Variants in CEP112 observed in about 807,000 individuals in gnomAD.
CEP112 encodes centrosomal protein 112, also known as centrosomal protein of 112 kDa.
Under a neutral mutation model 153.0 loss-of-function variants are expected in CEP112, and 127 were observed. The observed-to-expected ratio is 0.83, with a 90% CI of 0.72 to 0.96. The LOEUF (loss-of-function observed/expected upper bound fraction) is 0.96. Ranked by LOEUF, CEP112 falls within the 40% of genes least tolerant of loss-of-function variation. The pLI, the probability that CEP112 is intolerant of heterozygous loss-of-function variation, is 0.00. For missense variants in CEP112, 1,089 were observed against 1,101.2 expected (o/e 0.99, Z 0.16); for synonymous variants, 358 against 374.4 (o/e 0.96, Z 0.51).
At position 66,129,432 on chromosome 17, in the gene CEP112, C is replaced by T. The variant is rs1449361580; in HGVS notation, c.642+314G>A. 5.9e-5 allele frequency among the ~76,000 whole-genome samples: 9 copies of T among 152,164 alleles called. 1 individual carries two copies. The highest frequency in any genetic ancestry group is 4.1e-4 in the South Asian group (2 of 4,822). ...GTTCTCCCTTCCCTCCCCTCCACCTCGGGCGACTCACATAACTCATCTTGG... is the reference window on the plus strand; with the variant it reads ...GTTCTCCCTTCCCTCCCCTCCACCTTGGGCGACTCACATAACTCATCTTGG... On this transcript the variant is annotated intron_variant, in intron 6 of 26. Coordinates refer to ENST00000535342, the MANE Select transcript of CEP112 (RefSeq NM_001199165.4).
intron 23 of CEP112, 118 bp downstream of exon 23, chr17:65,742,950 G>C: frequency 1.4e-6 from 1 of 718,870 alleles, no homozygotes; most frequent in Admixed American, 3.2e-5. Flanking sequence ...TGGAATTACT[G>C]CAGGCTGTGT....
At position 66,125,486 on chromosome 17, in the gene CEP112, A is replaced by G. The variant is rs567336172; in HGVS notation, c.642+4260T>C. Among the ~76,000 whole-genome samples the G allele has an allele frequency of 2.0e-5, 3 of 152,288 alleles. No homozygotes were observed. In the South Asian group the frequency reaches 6.2e-4, roughly 32 times the overall value. On this transcript the variant is annotated intron_variant, in intron 6 of 26. Coordinates refer to ENST00000535342, the MANE Select transcript of CEP112 (RefSeq NM_001199165.4). ...CACTATGATCATGCCACTGCACTTT[A>G]GCCTTGGTGACAGAGCAAGACCCTG...
chr17:65,831,594 A>G (rs2057083877), intron 21 of CEP112, among the ~76,000 whole-genome samples: 1 of 152,032 alleles, frequency 6.6e-6, no homozygotes, highest in Admixed American at 6.5e-5. Context: ...GAAAATCACA[A>G]GCAAACATGG....
intron 6 of CEP112, among the ~76,000 whole-genome samples, chr17:66,102,573 A>G (rs1246569468): frequency 6.6e-6 from 1 of 151,658 alleles, no homozygotes; most frequent in Admixed American, 6.6e-5. Flanking sequence ...CGAGGTGGGC[A>G]GATCACAAGG....
intron 21 of CEP112, among the ~76,000 whole-genome samples, chr17:65,795,180 T>C (rs372259424): frequency 6.6e-6 from 1 of 152,192 alleles, no homozygotes; most frequent in African/African-American, 2.4e-5. Flanking sequence ...GAGGTAGGAT[T>C]TGAAGCCAGG....
chr17:66,026,427 T>G (rs1026788225), intron 16 of CEP112, among the ~76,000 whole-genome samples: 1 of 150,810 alleles, frequency 6.6e-6, no homozygotes, highest in Non-Finnish European at 1.5e-5. Context: ...GCTAATCTTT[T>G]TCAAGTAGTA....
intron 21 of CEP112, among the ~76,000 whole-genome samples, chr17:65,785,166 C>T (rs1318896903): frequency 6.6e-6 from 1 of 152,150 alleles, no homozygotes; most frequent in Non-Finnish European, 1.5e-5. Context: ...TACTTCATTC[C>T]TTTTCCTAGT....
intron 23 of CEP112, among the ~76,000 whole-genome samples, chr17:65,732,927 T>C (rs1018720664): frequency 1.3e-5 from 2 of 152,232 alleles, no homozygotes; most frequent in African/African-American, 4.8e-5. Context: ...CTGCCATTCA[T>C]GTGTTCACTG....
chr17:65,817,851 G>T (rs1485513195), intron 21 of CEP112, among the ~76,000 whole-genome samples: 1 of 151,822 alleles, frequency 6.6e-6, no homozygotes, highest in Non-Finnish European at 1.5e-5. Flanking sequence ...TACAGAGCCT[G>T]ACAAACGTAA....
chr17:66,166,521 T>A (rs2071965288), intron 4 of CEP112, among the ~76,000 whole-genome samples: 1 of 152,162 alleles, frequency 6.6e-6, no homozygotes. Context: ...CACAGAATTG[T>A]AAAGCAAGAA....
At chr17:65,843,077 A>ATGGAGCATTTTTTTC (rs2057583888) in intron 21 of CEP112, among the ~76,000 whole-genome samples, 1 of 152,166 alleles carries the variant, frequency 6.6e-6, no homozygotes, top group Non-Finnish European at 1.5e-5. Context: ...ACAAGATTAT[A>ATGGAGCATTTTTTTC]ACCCCTGTCA....
chr17:66,181,130 G>T (rs2072701879), intron 2 of CEP112, among the ~76,000 whole-genome samples: 1 of 152,096 alleles, frequency 6.6e-6, no homozygotes, highest in Non-Finnish European at 1.5e-5. Context: ...TTTGGTTAAT[G>T]AAAGCATTCC....
intron 23 of CEP112, among the ~76,000 whole-genome samples, chr17:65,716,235 C>A (rs934808772): frequency 6.6e-6 from 1 of 152,096 alleles, no homozygotes; most frequent in Non-Finnish European, 1.5e-5. Flanking sequence ...CGGCTCATTG[C>A]AACCTCCACC....
chr17:66,159,183 A>C (rs4386169), intron 4 of CEP112, among the ~76,000 whole-genome samples: 37,072 of 152,058 alleles, frequency 0.24, 4,702 homozygotes, highest in Middle Eastern at 0.36. Context: ...ACCAATAACA[A>C]GTTCTGAAAT....
At chr17:65,770,824 A>G (rs1244569050) in intron 21 of CEP112, among the ~76,000 whole-genome samples, 3 of 151,926 alleles carry the variant, frequency 2.0e-5, no homozygotes, top group Non-Finnish European at 4.4e-5. Flanking sequence ...CCAACAGTGA[A>G]GAGGTATAGC....
At chr17:65,736,736 TAG>T (rs1426114173) in intron 23 of CEP112, among the ~76,000 whole-genome samples, 1 of 152,166 alleles carries the variant, frequency 6.6e-6, no homozygotes, top group African/African-American at 2.4e-5. Context: ...GTCTTCTAAC[TAG>T]AGTTAGTATG....
intron 23 of CEP112, among the ~76,000 whole-genome samples, chr17:65,715,731 G>A (rs534736109): frequency 3.3e-5 from 5 of 152,320 alleles, no homozygotes; most frequent in Admixed American, 6.5e-5. Flanking sequence ...GATTACAGGC[G>A]TAAGCCACTG....
intron 11 of CEP112, among the ~76,000 whole-genome samples, chr17:66,060,663 G>A (rs1458882843): frequency 6.6e-6 from 1 of 152,096 alleles, no homozygotes; most frequent in Non-Finnish European, 1.5e-5. Flanking sequence ...GGAAAGTATA[G>A]TCTCTTTAAT....
chr17:66,145,911 T>G (rs1424553481), intron 4 of CEP112, among the ~76,000 whole-genome samples: 1 of 152,058 alleles, frequency 6.6e-6, no homozygotes, highest in African/African-American at 2.4e-5. Flanking sequence ...TCTAGTGAGA[T>G]GATTACATTA....
Sources: gnomAD v4.1 joint callset for allele counts (sites outside exome capture counted in the v4.1 genomes callset) on GRCh38, gnomAD v4.1.1 for gene constraint, MANE v1.5 for transcripts, NCBI Gene and HGNC (gene_info 2026-07-23, HGNC 2026-07-21) for gene names.